Variants in TM9SF4 observed in about 807,000 individuals in gnomAD.
TM9SF4 encodes dinucleotide oxidase disulfide thiol exchanger 3 superfamily member 4.
In TM9SF4, 26 loss-of-function variants were observed where a neutral mutation model predicts 90.4. The ratio of observed to expected loss-of-function variants is 0.29; its 90% CI spans 0.21 to 0.40. The LOEUF (loss-of-function observed/expected upper bound fraction) is 0.40, where lower values mean the gene tolerates loss of function less well. Among genes scored for constraint, TM9SF4 ranks in the 10% least tolerant of loss-of-function variants. The probability of loss-of-function intolerance (pLI) is 1.00; values close to 1 mark genes in which losing one functional copy is unlikely to be tolerated. For missense variants in TM9SF4, 549 were observed against 834.8 expected (o/e 0.66, Z 4.22); for synonymous variants, 293 against 315.4 (o/e 0.93, Z 0.75).
At chr20:32,146,982 C>A in intron 9 of TM9SF4, 127 bp downstream of exon 9, 9 of 584,736 alleles carry the variant, frequency 1.5e-5, no homozygotes, top group African/African-American at 2.1e-5. Flanking sequence ...GTTTAGTATA[C>A]TTTTTTTTTT....
chr20:32,116,310 C>G (rs2046222141), intron 1 of TM9SF4: 1 of 152,210 alleles, frequency 6.6e-6, no homozygotes, highest in Non-Finnish European at 1.5e-5. Context: ...AGAGGGCACT[C>G]TGTAACTTTA....
At chr20:32,140,039 A>C (rs139908923) in intron 3 of TM9SF4, among the ~76,000 whole-genome samples, 170 of 152,272 alleles carry the variant, frequency 1.1e-3, no homozygotes, top group African/African-American at 3.9e-3. Context: ...ACATCTATTC[A>C]ACTTTGCATC....
intron 1 of TM9SF4, among the ~76,000 whole-genome samples, chr20:32,126,466 T>A (rs2046423894): frequency 6.6e-6 from 1 of 152,210 alleles, no homozygotes; most frequent in South Asian, 2.1e-4. Context: ...CTCGCCTCCC[T>A]TCAGGTTTCA....
intron 13 of TM9SF4, 53 bp from the exon 14 acceptor site, chr20:32,157,741 C>T (rs1323970059): frequency 6.2e-7 from 1 of 1,600,054 alleles, no homozygotes; most frequent in Non-Finnish European, 8.5e-7. Context: ...CTTGCGCAGC[C>T]CCCATCCCGG....
intron 12 of TM9SF4, among the ~76,000 whole-genome samples, chr20:32,152,091 C>T (rs543397593): frequency 5.3e-5 from 8 of 151,380 alleles, no homozygotes; most frequent in African/African-American, 1.5e-4. Flanking sequence ...AGGATGGTCT[C>T]GATCTCCTGA....
intron 12 of TM9SF4, among the ~76,000 whole-genome samples, chr20:32,154,460 T>C (rs1391295801): frequency 6.6e-6 from 1 of 152,096 alleles, no homozygotes; most frequent in Non-Finnish European, 1.5e-5. Context: ...GTGTTCTTTT[T>C]TTCTTTTTTT....
At chr20:32,163,268 AATATATATAT>A (rs1186662308) in intron 17 of TM9SF4, among the ~76,000 whole-genome samples, 9 of 74,482 alleles carry the variant, frequency 1.2e-4, no homozygotes, top group African/African-American at 3.0e-4. Flanking sequence ...AAAAAAAAAA[AATATATATAT>A]ATATATATAT....
intron 6 of TM9SF4, among the ~76,000 whole-genome samples, chr20:32,143,816 C>T (rs1310916096): frequency 6.6e-6 from 1 of 152,104 alleles, no homozygotes; most frequent in Non-Finnish European, 1.5e-5. Flanking sequence ...TCAAGAGCTC[C>T]ATAGCACATC....
Position 32,150,638 on chromosome 20 carries a change from G to C in TM9SF4, c.1104G>C (p.Gly368=). 1 of 1,614,218 alleles carries C rather than the reference G, an allele frequency of 6.2e-7. No homozygotes were observed. The highest frequency in any genetic ancestry group is 8.5e-7 in the Non-Finnish European group (1 of 1,180,042). ...CCTCCACAGTTGTAGCCATGCTTGG[G>C]ATGCTGTCGCCCTCCAGCCGGGGAG... ...ILIVIFVAML[G]MLSPSSRGAL... The change falls in exon 11 of 18, where the codon GGG becomes GGC. Residue 368 remains glycine, a synonymous_variant. Coordinates refer to ENST00000398022, the MANE Select transcript of TM9SF4 (RefSeq NM_014742.4).
chr20:32,134,557 A>G (rs2046567912), intron 2 of TM9SF4, among the ~76,000 whole-genome samples: 1 of 152,194 alleles, frequency 6.6e-6, no homozygotes, highest in South Asian at 2.1e-4. Flanking sequence ...CTTAATATGA[A>G]TATCTTTGCA....
At chr20:32,120,256 A>C (rs1251422109) in intron 1 of TM9SF4, among the ~76,000 whole-genome samples, 1 of 152,142 alleles carries the variant, frequency 6.6e-6, no homozygotes, top group Non-Finnish European at 1.5e-5. Context: ...GACAATATTG[A>C]GTCTTCTAGT....
Position 32,165,555 on chromosome 20 carries a change from C to G in TM9SF4, c.*111C>G. The G allele has an allele frequency of 7.6e-7, 1 of 1,323,098 alleles. No homozygotes were observed. The highest frequency in any genetic ancestry group is 1.1e-6 in the Non-Finnish European group (1 of 950,264). 82.0% of individuals were successfully genotyped at this position (1,323,098 alleles called of 1,614,324 possible). On this transcript the variant is annotated 3_prime_UTR_variant, in exon 18 of 18. Transcript: ENST00000398022. ...ACTCCTGCTCGTTTGGAATGTAACT[C>G]CTGGCACAGTGTTCCTGGATCCTGG...
intron 17 of TM9SF4, among the ~76,000 whole-genome samples, chr20:32,164,441 G>A (rs1224194797): frequency 6.6e-6 from 1 of 152,152 alleles, no homozygotes; most frequent in East Asian, 1.9e-4. Flanking sequence ...GAGCCCAGGA[G>A]GGTGAGGCTG....
At chr20:32,160,154 T>C in intron 16 of TM9SF4, 43 bp downstream of exon 16, 1 of 1,613,100 alleles carries the variant, frequency 6.2e-7, no homozygotes, top group Non-Finnish European at 8.5e-7. Flanking sequence ...GAGAACTGGA[T>C]CCAGCATTGA....
At chr20:32,149,916 G>A (rs2046817606) in intron 10 of TM9SF4, 150 bp downstream of exon 10, 38 of 1,125,282 alleles carry the variant, frequency 3.4e-5, no homozygotes, top group Non-Finnish European at 4.1e-5. Context: ...CAGACAGGCC[G>A]TCTATCTCAG....
intron 1 of TM9SF4, among the ~76,000 whole-genome samples, chr20:32,123,132 T>G (rs1478534990): frequency 8.1e-6 from 1 of 123,658 alleles, no homozygotes; most frequent in African/African-American, 3.0e-5. Flanking sequence ...TAGTCCAGCT[T>G]CGGCTCGGCA....
chr20:32,118,409 A>G (rs1285580285), intron 1 of TM9SF4, among the ~76,000 whole-genome samples: 1 of 152,130 alleles, frequency 6.6e-6, no homozygotes, highest in Admixed American at 6.5e-5. Flanking sequence ...TTCTTAAAAT[A>G]TAAATGAATA....
At chr20:32,137,359 C>T (rs556097587) in intron 3 of TM9SF4, among the ~76,000 whole-genome samples, 120 of 152,294 alleles carry the variant, frequency 7.9e-4, no homozygotes, top group Middle Eastern at 3.4e-3. Flanking sequence ...TGCTGTGGAC[C>T]CTTTGGCAAC....
chr20:32,165,268 C>T (rs770829746), intron 17 of TM9SF4, 27 bp from the exon 18 acceptor site: 7 of 1,613,754 alleles, frequency 4.3e-6, no homozygotes, highest in Non-Finnish European at 5.9e-6. Flanking sequence ...AGCATGCACC[C>T]TGTCTTCTTT....
Sources: gnomAD v4.1 joint callset for allele counts (sites outside exome capture counted in the v4.1 genomes callset) on GRCh38, gnomAD v4.1.1 for gene constraint, MANE v1.5 for transcripts, NCBI Gene and HGNC (gene_info 2026-07-23, HGNC 2026-07-21) for gene names.